The following LARGE1 variants were observed in gnomAD, a reference collection of about 807,000 sequenced individuals.
The protein encoded by LARGE1 is LARGE xylosyl- and glucuronyltransferase 1.
In LARGE1, 43 loss-of-function variants were observed where a neutral mutation model predicts 87.6. The observed-to-expected ratio is 0.49, with a 90% CI of 0.38 to 0.63. LARGE1 has a LOEUF of 0.63. LARGE1 is among the 30% of genes least tolerant of loss of function. LARGE1 has a pLI of 0.00. For synonymous variants in LARGE1, 434 were observed against 394.6 expected (o/e 1.10, Z -1.18); for missense variants, 802 against 1,000.2 (o/e 0.80, Z 2.67).
At chr22:33,792,094 G>A (rs763587786) in intron 1 of LARGE1, among the ~76,000 whole-genome samples, 39 of 152,146 alleles carry the variant, frequency 2.6e-4, no homozygotes, top group Non-Finnish European at 4.9e-4. Flanking sequence ...ACTCAGAGAC[G>A]TCAATTCGGT....
At chr22:33,887,009 T>C (rs933214) in intron 1 of LARGE1, among the ~76,000 whole-genome samples, 1 of 152,030 alleles carries the variant, frequency 6.6e-6, no homozygotes, top group African/African-American at 2.4e-5. Flanking sequence ...AAGGTGGTGA[T>C]GGTAGGGTGA....
Position 33,283,322 on chromosome 22 carries a change from G to C in LARGE1, c.1757C>G (p.Ala586Gly). Residue 586 changes from alanine (A) to glycine (G), a missense_variant, in exon 13 of 15, where the codon GCC becomes GGC. Ala to Gly is a moderately conservative substitution (Grantham distance 60). This residue lies in a region of LARGE1 where 625 missense variants were observed against 841.9 expected (regional missense o/e 0.74). Coordinates refer to ENST00000397394, the MANE Select transcript of LARGE1 (RefSeq NM_133642.5). Reference sequence around the variant, plus strand: ...GACAATCATTGCTTTCTTGGTGTTGGCAAGATCGAGCTGGATGACAGACTT... The same window carrying C: ...GACAATCATTGCTTTCTTGGTGTTGCCAAGATCGAGCTGGATGACAGACTT... ...LRKSVIQLDLANTKKAMIVPA... is the reference protein window; with the variant it reads ...LRKSVIQLDLGNTKKAMIVPA... 1 of 1,614,164 alleles carries C rather than the reference G, an allele frequency of 6.2e-7. No homozygotes were observed. The highest frequency in any genetic ancestry group is 2.2e-5 in the East Asian group (1 of 44,886).
At chr22:33,432,318 G>C in intron 6 of LARGE1, 53 bp from the exon 7 acceptor site, 3 of 1,331,884 alleles carry the variant, frequency 2.3e-6, no homozygotes, top group Non-Finnish European at 3.2e-6. Context: ...AAGCCATCTG[G>C]ATCAGTGACT....
intron 9 of LARGE1, among the ~76,000 whole-genome samples, chr22:33,360,575 T>C (rs887827126): frequency 1.1e-4 from 16 of 149,324 alleles, no homozygotes; most frequent in Admixed American, 1.0e-3. Flanking sequence ...AACAACACGA[T>C]GCGGATGGTG....
chr22:33,170,845 G>A (rs891177508), intron 11 of LARGE1, among the ~76,000 whole-genome samples: 12 of 152,180 alleles, frequency 7.9e-5, no homozygotes, highest in African/African-American at 2.7e-4. Flanking sequence ...ACCTGAAAAT[G>A]TGGAAGCAAC....
At chr22:33,622,731 C>G (rs1216575421) in intron 4 of LARGE1, among the ~76,000 whole-genome samples, 1 of 152,196 alleles carries the variant, frequency 6.6e-6, no homozygotes, top group African/African-American at 2.4e-5. Context: ...TGGGTTTCTT[C>G]TTTGGCCTCC....
At chr22:33,760,971 AC>A (rs2084708124) in intron 2 of LARGE1, among the ~76,000 whole-genome samples, 4 of 151,596 alleles carry the variant, frequency 2.6e-5, no homozygotes, top group Admixed American at 2.6e-4. Context: ...AACAAAAAAC[AC>A]CACCACCACC....
At chr22:33,467,395 C>T (rs1016360826) in intron 6 of LARGE1, among the ~76,000 whole-genome samples, 7 of 152,056 alleles carry the variant, frequency 4.6e-5, no homozygotes, top group Non-Finnish European at 8.8e-5. Flanking sequence ...TAAACTGCTG[C>T]ATCTTCCAAC....
chr22:33,576,330 T>C (rs1207036026), intron 5 of LARGE1, among the ~76,000 whole-genome samples: 1 of 152,200 alleles, frequency 6.6e-6, no homozygotes, highest in East Asian at 1.9e-4. Flanking sequence ...CTTCAGCGAC[T>C]TCTAAGTGTA....
chr22:33,565,149 A>AAAACTCATTCATTT, intron 5 of LARGE1, 130 bp from the exon 6 acceptor site: 1 of 826,136 alleles, frequency 1.2e-6, no homozygotes, highest in Non-Finnish European at 1.9e-6. Flanking sequence ...TGAATAAATG[A>AAAACTCATTCATTT]ATGAGTTTTC....
chr22:33,759,676 T>A (rs1283690905), intron 2 of LARGE1, among the ~76,000 whole-genome samples: 1 of 152,184 alleles, frequency 6.6e-6, no homozygotes, highest in Non-Finnish European at 1.5e-5. Context: ...TATTACCAGC[T>A]TAGTTAAAAG....
At chr22:33,742,851 C>T (rs549399081) in intron 2 of LARGE1, among the ~76,000 whole-genome samples, 1 of 152,146 alleles carries the variant, frequency 6.6e-6, no homozygotes, top group African/African-American at 2.4e-5. Context: ...TTGGATGTCA[C>T]TGGTTCAAGA....
chr22:33,428,718 C>T (rs1459042351), intron 7 of LARGE1, among the ~76,000 whole-genome samples: 19 of 137,496 alleles, frequency 1.4e-4, no homozygotes, highest in African/African-American at 4.6e-4. Context: ...GTCAGGAGAT[C>T]GAGACCATTC....
chr22:33,426,156 G>A (rs545318790), intron 7 of LARGE1, among the ~76,000 whole-genome samples: 4 of 152,218 alleles, frequency 2.6e-5, no homozygotes, highest in African/African-American at 9.6e-5. Flanking sequence ...ATCAATTCTG[G>A]ATCTCAATCA....
the LARGE1 span, among the ~76,000 whole-genome samples, chr22:33,112,441 C>T: frequency 6.6e-6 from 1 of 152,280 alleles, no homozygotes; most frequent in African/African-American, 2.4e-5. Flanking sequence ...TCTGCCACAT[C>T]GTATGCGCTG....
At chr22:33,259,786 G>C (rs1179449821) in intron 11 of LARGE1, among the ~76,000 whole-genome samples, 6 of 152,154 alleles carry the variant, frequency 3.9e-5, no homozygotes, top group Non-Finnish European at 5.9e-5. Context: ...GAAGACCCAG[G>C]AGTGCCATTC....
intron 6 of LARGE1, among the ~76,000 whole-genome samples, chr22:33,550,490 CA>C (rs1025384025): frequency 6.6e-6 from 1 of 152,052 alleles, no homozygotes; most frequent in Non-Finnish European, 1.5e-5. Context: ...GCCCTTCCAC[CA>C]CAAAAAGTTA....
At chr22:33,123,942 G>A in the LARGE1 span, among the ~76,000 whole-genome samples, 2 of 152,214 alleles carry the variant, frequency 1.3e-5, no homozygotes, top group Middle Eastern at 3.4e-3. Flanking sequence ...CACATCAGGC[G>A]GTGCTCTGGC....
At chr22:33,173,567 A>C (rs1346310819) in intron 11 of LARGE1, among the ~76,000 whole-genome samples, 1 of 152,012 alleles carries the variant, frequency 6.6e-6, no homozygotes, top group Non-Finnish European at 1.5e-5. Flanking sequence ...AAGAGTGAAG[A>C]CTCATCATGC....
Sources: allele counts gnomAD v4.1 joint callset (sites outside exome capture counted in the v4.1 genomes callset), GRCh38; gene constraint gnomAD v4.1.1; regional missense constraint gnomAD v4.1.1; transcripts MANE v1.5; gene names NCBI Gene and HGNC (gene_info 2026-07-23, HGNC 2026-07-21).